The following RABGAP1L variants were observed in gnomAD, a reference collection of about 807,000 sequenced individuals.
The protein encoded by RABGAP1L is rab GTPase-activating protein 1-like.
In RABGAP1L, 63 loss-of-function variants were observed where a neutral mutation model predicts 137.7. That is an observed-to-expected ratio of 0.46 (90% CI 0.37 to 0.56). The LOEUF (loss-of-function observed/expected upper bound fraction) is 0.56, where lower values mean the gene tolerates loss of function less well. RABGAP1L is among the 20% of genes least tolerant of loss of function. The pLI is 0.00. For missense variants in RABGAP1L, 1,095 were observed against 1,244.0 expected, an observed-to-expected ratio of 0.88 and a Z score of 1.80; for synonymous variants, 431 against 433.7, an observed-to-expected ratio of 0.99 and a Z score of 0.08.
intron 19 of RABGAP1L, among the ~76,000 whole-genome samples, chr1:174,863,077 A>G (rs1336740560): frequency 1.3e-5 from 2 of 151,262 alleles, no homozygotes; most frequent in African/African-American, 2.4e-5. Context: ...TATTTTTAGT[A>G]GAGACGGGGT....
intron 19 of RABGAP1L, among the ~76,000 whole-genome samples, chr1:174,874,671 A>G (rs541655637): frequency 1.4e-5 from 2 of 146,358 alleles, no homozygotes; most frequent in Admixed American, 7.1e-5. Context: ...CAGGGAATCA[A>G]TGGGTTGGGG....
At chr1:174,373,118 G>A (rs1558176980) in intron 12 of RABGAP1L, among the ~76,000 whole-genome samples, 1 of 152,098 alleles carries the variant, frequency 6.6e-6, no homozygotes, top group Non-Finnish European at 1.5e-5. Flanking sequence ...GTTTTATTTA[G>A]GGTTACTCTC....
chr1:174,420,629 A>T (rs1476238195), intron 13 of RABGAP1L, among the ~76,000 whole-genome samples: 1 of 150,084 alleles, frequency 6.7e-6, no homozygotes, highest in African/African-American at 2.5e-5. Context: ...TATGCCTTTT[A>T]TGCTGCTTAG....
intron 3 of RABGAP1L, among the ~76,000 whole-genome samples, chr1:174,226,805 A>G (rs539284535): frequency 1.3e-5 from 2 of 151,168 alleles, no homozygotes; most frequent in African/African-American, 2.4e-5. Flanking sequence ...ATCTATTTTT[A>G]TCTTTAAAGA....
Position 174,448,910 on chromosome 1 carries a change from T to G in RABGAP1L, c.1710+54765T>G. 6.2e-7 allele frequency: 1 copy of G among 1,613,922 alleles called. No homozygotes were observed. Among genetic ancestry groups the G allele is most frequent in the Non-Finnish European group, 8.5e-7 (1 of 1,179,784 alleles). On this transcript the variant is annotated intron_variant, in intron 13 of 25. Coordinates refer to ENST00000681986, the MANE Select transcript of RABGAP1L (RefSeq NM_001366446.1). This position sits in a 1 kb window ranked among gnomAD's most constrained non-coding sequence, Gnocchi z 4.2. ...CCCTGACCGTCGCTACGCCATGGTT[T>G]TGTTTAGGATAACCAGTGTATTTTA... is the stretch of plus-strand genomic sequence containing the variant.
intron 1 of RABGAP1L, among the ~76,000 whole-genome samples, chr1:174,163,700 C>G (rs548521829): frequency 1.3e-5 from 2 of 150,576 alleles, no homozygotes; most frequent in Admixed American, 6.6e-5. Flanking sequence ...AGACATAGTA[C>G]AGCCAAAAAT....
At chr1:174,171,508 G>T (rs979224388) in intron 1 of RABGAP1L, among the ~76,000 whole-genome samples, 2 of 151,874 alleles carry the variant, frequency 1.3e-5, no homozygotes, top group African/African-American at 4.8e-5. Context: ...TCTAAAATCT[G>T]TCTTAGCAAA....
chr1:174,334,548 C>T (rs1681306614), intron 11 of RABGAP1L, among the ~76,000 whole-genome samples: 1 of 152,084 alleles, frequency 6.6e-6, no homozygotes, highest in African/African-American at 2.4e-5. Context: ...AATGTTCTAC[C>T]ACTCTCAGCC....
At chr1:174,645,343 C>T (rs1369133449) in intron 14 of RABGAP1L, among the ~76,000 whole-genome samples, 1 of 152,010 alleles carries the variant, frequency 6.6e-6, no homozygotes, top group Non-Finnish European at 1.5e-5. Flanking sequence ...ACCCAATCAA[C>T]GTGTCATCTA....
At chr1:174,378,728 T>G (rs1166331009) in intron 12 of RABGAP1L, among the ~76,000 whole-genome samples, 4 of 150,752 alleles carry the variant, frequency 2.7e-5, no homozygotes, top group African/African-American at 9.8e-5. Flanking sequence ...TTCTCCCATT[T>G]TGTAGGTTGC....
At position 174,624,956 on chromosome 1, in the gene RABGAP1L, C is replaced by T. The variant is rs576501398; in HGVS notation, c.1711-12419C>T. The stretch of plus-strand genomic sequence containing the variant: ...CGCAGTCTTGGTTCACTGCAACCTC[C>T]GCCCCCCTGAGTTCAAGCGATTCTC... On this transcript the variant is annotated intron_variant, in intron 13 of 25. Transcript: ENST00000681986. Among the ~76,000 whole-genome samples, 14 of 151,544 alleles carry T rather than the reference C, an allele frequency of 9.2e-5. No individual in the cohort carries two copies. The East Asian group carries it at 1.4e-3, about 15-fold the overall frequency.
chr1:174,873,895 A>T (rs755032547), intron 19 of RABGAP1L, among the ~76,000 whole-genome samples: 41 of 152,216 alleles, frequency 2.7e-4, no homozygotes, highest in Admixed American at 2.0e-4. Flanking sequence ...TGCATTGGAG[A>T]GAACACAATA....
chr1:174,743,607 A>G (rs556825715), intron 17 of RABGAP1L, among the ~76,000 whole-genome samples: 1 of 152,280 alleles, frequency 6.6e-6, no homozygotes, highest in Non-Finnish European at 1.5e-5. Flanking sequence ...CTGCATAACA[A>G]ACCTGAACAT....
chr1:174,705,703 A>C (rs1490940507), intron 17 of RABGAP1L: 1 of 152,186 alleles, frequency 6.6e-6, no homozygotes, highest in Non-Finnish European at 1.5e-5. Flanking sequence ...CATCTTTGTC[A>C]AGAATTATTT....
chr1:174,693,582 T>C (rs1475985472), intron 15 of RABGAP1L, among the ~76,000 whole-genome samples: 1 of 151,984 alleles, frequency 6.6e-6, no homozygotes, highest in Non-Finnish European at 1.5e-5. Flanking sequence ...TCACTTTTCT[T>C]TTTTTTTGCA....
intron 13 of RABGAP1L, among the ~76,000 whole-genome samples, chr1:174,533,375 A>G (rs1188191790): frequency 6.6e-6 from 1 of 152,204 alleles, no homozygotes; most frequent in Non-Finnish European, 1.5e-5. Flanking sequence ...TACTACATAC[A>G]GTTGACTCTT....
chr1:174,211,781 G>A (rs910245323), intron 1 of RABGAP1L, among the ~76,000 whole-genome samples: 16 of 152,022 alleles, frequency 1.1e-4, no homozygotes, highest in Non-Finnish European at 2.2e-4. Flanking sequence ...TAAAAGGATG[G>A]AAAAAGATAT....
chr1:174,275,876 C>T lies in RABGAP1L; in HGVS notation c.1097C>T (p.Thr366Ile), dbSNP rs533934955. The change falls in exon 9 of 26, where the codon ACT becomes ATT. Residue 366 changes from threonine (T) to isoleucine (I), a missense_variant. Physicochemically the swap from Thr to Ile is moderately conservative, Grantham distance 89. This residue lies in a region of RABGAP1L where 112 missense variants were observed against 157.3 expected (regional missense o/e 0.71). Transcript: ENST00000681986. ...KSYDGRAYVI[T>I]GMWNPNAPVF... ...TATGATGGGAGAGCTTATGTCATCA[C>T]TGGCATGTGGAACCCCAATGCACCA... The T allele has an allele frequency of 6.8e-6, 11 of 1,613,030 alleles. No homozygotes were observed. The highest frequency in any genetic ancestry group is 6.7e-5 in the African/African-American group (5 of 74,970).
In RABGAP1L at chr1:174,313,990, G is replaced by T. The variant is rs576594290; in HGVS notation, c.1465+8863G>T. Reference sequence around the variant, plus strand: ...TCTTTTTTTTGATATGCGTTTGTCTGGTTTTGGTATCAGGGTAATACTGGC... The same window carrying T: ...TCTTTTTTTTGATATGCGTTTGTCTTGTTTTGGTATCAGGGTAATACTGGC... On this transcript the variant is annotated intron_variant, in intron 11 of 25. Transcript: ENST00000681986. Among the ~76,000 whole-genome samples, 5 of 152,180 alleles carry T rather than the reference G, an allele frequency of 3.3e-5. No individual in the cohort carries two copies. The South Asian group carries it at 1.0e-3, about 32-fold the overall frequency.
Sources: allele counts gnomAD v4.1 joint callset (sites outside exome capture counted in the v4.1 genomes callset), GRCh38; gene constraint gnomAD v4.1.1; regional missense constraint gnomAD v4.1.1; non-coding constraint Gnocchi (gnomAD v3.1); transcripts MANE v1.5; gene names NCBI Gene and HGNC (gene_info 2026-07-23, HGNC 2026-07-21).